NRG3: variants seen among roughly 807,000 people sequenced by gnomAD.
NRG3 encodes pro-neuregulin-3, membrane-bound isoform.
In NRG3, 31 loss-of-function variants were observed where a neutral mutation model predicts 66.9. That is an observed-to-expected ratio of 0.46 (90% CI 0.35 to 0.63). The LOEUF is 0.63. Among genes scored for constraint, NRG3 ranks in the 20% least tolerant of loss-of-function variants. NRG3 has a pLI of 0.00. For missense variants in NRG3, 910 were observed against 878.9 expected (o/e 1.04, Z -0.45); for synonymous variants, 393 against 359.4 (o/e 1.09, Z -1.06).
chr10:82,576,325 T>C (rs2133168035), intron 2 of NRG3, among the ~76,000 whole-genome samples: 1 of 151,786 alleles, frequency 6.6e-6, no homozygotes, highest in East Asian at 1.9e-4. Flanking sequence ...TTCCCCCATG[T>C]ACTTCTTTTC....
chr10:81,922,708 A>G (rs1434842437), intron 1 of NRG3, among the ~76,000 whole-genome samples: 1 of 152,178 alleles, frequency 6.6e-6, no homozygotes. Flanking sequence ...CTTGATTTGT[A>G]AAGCATTCCA....
At chr10:82,856,636 T>TG (rs898874108) in intron 3 of NRG3, among the ~76,000 whole-genome samples, 3 of 143,940 alleles carry the variant, frequency 2.1e-5, no homozygotes, top group African/African-American at 7.8e-5. Context: ...CCCAGCTACT[T>TG]GGGGGGCTGA....
chr10:82,923,863 C>T (rs1220417249), intron 4 of NRG3, among the ~76,000 whole-genome samples: 1 of 151,688 alleles, frequency 6.6e-6, no homozygotes, highest in African/African-American at 2.4e-5. Context: ...GCACAGAGGT[C>T]AGGTGGGCGG....
intron 1 of NRG3, among the ~76,000 whole-genome samples, chr10:82,018,819 C>T (rs1180912411): frequency 6.6e-6 from 1 of 152,082 alleles, no homozygotes; most frequent in Non-Finnish European, 1.5e-5. Flanking sequence ...TGCTTATCAG[C>T]TTAAGGAGAT....
chr10:82,002,262 C>T (rs1273365065), intron 1 of NRG3, among the ~76,000 whole-genome samples: 2 of 152,136 alleles, frequency 1.3e-5, no homozygotes, highest in Non-Finnish European at 1.5e-5. Flanking sequence ...AGTCCCAGGA[C>T]ACCTCAAACT....
chr10:82,817,319 T>C (rs181400167), intron 3 of NRG3, among the ~76,000 whole-genome samples: 1 of 152,294 alleles, frequency 6.6e-6, no homozygotes, highest in East Asian at 1.9e-4. Context: ...AGCCCACCAA[T>C]ATTAAATAAG....
chr10:81,968,508 G>T (rs970571441), intron 1 of NRG3, among the ~76,000 whole-genome samples: 6 of 152,162 alleles, frequency 3.9e-5, no homozygotes, highest in African/African-American at 1.2e-4. Context: ...TGACGTTGGG[G>T]GACTGGGCAC....
intron 1 of NRG3, among the ~76,000 whole-genome samples, chr10:82,081,423 T>G (rs558978756): frequency 6.6e-6 from 1 of 152,274 alleles, no homozygotes; most frequent in Non-Finnish European, 1.5e-5. Flanking sequence ...TCCCTAAAAA[T>G]GCAGAAATAT....
intron 1 of NRG3, among the ~76,000 whole-genome samples, chr10:81,885,288 A>G (rs981233639): frequency 1.4e-4 from 22 of 152,204 alleles, no homozygotes; most frequent in African/African-American, 5.1e-4. Flanking sequence ...ATCAATGGAA[A>G]AGTGTCAGGG....
At chr10:82,332,853 G>A (rs909660836) in intron 1 of NRG3, among the ~76,000 whole-genome samples, 2 of 152,130 alleles carry the variant, frequency 1.3e-5, no homozygotes, top group Non-Finnish European at 2.9e-5. Flanking sequence ...ATCTCTTGAG[G>A]CAATTAAATT....
intron 1 of NRG3, among the ~76,000 whole-genome samples, chr10:82,145,914 A>C (rs910033948): frequency 6.6e-6 from 1 of 152,136 alleles, no homozygotes; most frequent in African/African-American, 2.4e-5. Context: ...CAGGGTAAAG[A>C]ATTAGGTTGC....
At chr10:82,975,263 T>C (rs749672325) in intron 7 of NRG3, among the ~76,000 whole-genome samples, 4 of 152,368 alleles carry the variant, frequency 2.6e-5, no homozygotes, top group Non-Finnish European at 5.9e-5. Flanking sequence ...TCCTCCTGAT[T>C]ATGACACGTT....
At chr10:82,512,820 AT>A (rs1325142800) in intron 2 of NRG3, among the ~76,000 whole-genome samples, 1 of 152,182 alleles carries the variant, frequency 6.6e-6, no homozygotes, top group Non-Finnish European at 1.5e-5. Flanking sequence ...AAACTGTAGT[AT>A]ATTCCTTTGT....
At chr10:82,325,120 C>T (rs1306718989) in intron 1 of NRG3, among the ~76,000 whole-genome samples, 2 of 152,084 alleles carry the variant, frequency 1.3e-5, no homozygotes, top group Admixed American at 6.6e-5. Context: ...CATTGTTATG[C>T]ATCCTTGGAG....
intron 1 of NRG3, chr10:82,166,944 A>G: frequency 2.2e-6 from 1 of 461,220 alleles, no homozygotes. Flanking sequence ...TCTTGCTCGC[A>G]TTATTTTGAT....
intron 1 of NRG3, among the ~76,000 whole-genome samples, chr10:82,108,837 G>GC (rs1014643908): frequency 2.0e-5 from 3 of 152,166 alleles, no homozygotes; most frequent in African/African-American, 7.2e-5. Flanking sequence ...GTACCATGTG[G>GC]CCACAGCCTG....
chr10:82,562,306 G>C (rs1051903946), intron 2 of NRG3, among the ~76,000 whole-genome samples: 6 of 152,110 alleles, frequency 3.9e-5, no homozygotes, highest in Admixed American at 3.9e-4. Flanking sequence ...TTTTCCCACA[G>C]TCTTGATTGG....
chr10:82,691,484 C>T (rs1170019336), intron 2 of NRG3, among the ~76,000 whole-genome samples: 1 of 152,158 alleles, frequency 6.6e-6, no homozygotes, highest in African/African-American at 2.4e-5. Context: ...TGGTTGCTGA[C>T]ATGATTCCAG....
chr10:82,349,776 T>G (rs141996072), intron 1 of NRG3, among the ~76,000 whole-genome samples: 1,784 of 152,250 alleles, frequency 0.012, 37 homozygotes, highest in African/African-American at 0.04. Flanking sequence ...GGTGTGCCGT[T>G]TTTTAAGCCA....
Sources: gnomAD v4.1 joint callset for allele counts (sites outside exome capture counted in the v4.1 genomes callset) on GRCh38, gnomAD v4.1.1 for gene constraint, MANE v1.5 for transcripts, NCBI Gene and HGNC (gene_info 2026-07-23, HGNC 2026-07-21) for gene names.